Variants in AKAP13 observed in about 807,000 individuals in gnomAD.
AKAP13 encodes the protein A-kinase anchoring protein 13, also known as A-kinase anchor protein 13.
Under a neutral mutation model 264.5 loss-of-function variants are expected in AKAP13, and 80 were observed. The observed-to-expected ratio is 0.30, with a 90% CI of 0.25 to 0.36. AKAP13 has a LOEUF of 0.36. Ranked by LOEUF, AKAP13 falls within the 10% of genes least tolerant of loss-of-function variation. The pLI is 1.00. For synonymous variants in AKAP13, 1,380 were observed against 1,250.2 expected, an observed-to-expected ratio of 1.10 and a Z score of -2.19; for missense variants, 3,712 against 3,435.2, an observed-to-expected ratio of 1.08 and a Z score of -2.01.
intron 2 of AKAP13, among the ~76,000 whole-genome samples, chr15:85,506,457 G>C (rs949969823): frequency 1.3e-5 from 2 of 152,178 alleles, no homozygotes; most frequent in African/African-American, 4.8e-5. Context: ...TTACGTAACA[G>C]TTGGGAGGAA....
intron 1 of AKAP13, among the ~76,000 whole-genome samples, chr15:85,453,645 G>A (rs995521888): frequency 6.6e-6 from 1 of 152,208 alleles, no homozygotes; most frequent in African/African-American, 2.4e-5. Context: ...TTTTGGTAGA[G>A]CATGTGTGCT....
intron 9 of AKAP13, among the ~76,000 whole-genome samples, chr15:85,641,709 A>G (rs1295180927): frequency 6.6e-6 from 1 of 151,696 alleles, no homozygotes; most frequent in African/African-American, 2.4e-5. Context: ...GATGGTCTCA[A>G]TCTCCTGACC....
intron 1 of AKAP13, among the ~76,000 whole-genome samples, chr15:85,468,275 C>T (rs2074828396): frequency 6.6e-6 from 1 of 152,122 alleles, no homozygotes; most frequent in South Asian, 2.1e-4. Flanking sequence ...ATGGTTGATG[C>T]CCCTTTTAGA....
intron 1 of AKAP13, among the ~76,000 whole-genome samples, chr15:85,407,304 T>C (rs1325288515): frequency 1.4e-5 from 2 of 146,750 alleles, no homozygotes; most frequent in Admixed American, 6.7e-5. Context: ...CTGGGCTCAC[T>C]GCAACCTCCG....
chr15:85,586,216 G>A (rs1054187696), intron 8 of AKAP13, among the ~76,000 whole-genome samples: 10 of 148,450 alleles, frequency 6.7e-5, no homozygotes, highest in African/African-American at 2.5e-4. Context: ...TTGAGATGGA[G>A]TTTTGCTCTT....
chr15:85,711,747 T>C (rs2086642435), intron 19 of AKAP13, among the ~76,000 whole-genome samples: 1 of 152,240 alleles, frequency 6.6e-6, no homozygotes, highest in African/African-American at 2.4e-5. Context: ...TGTAGTTTTT[T>C]AGAAGTAAAG....
intron 8 of AKAP13, among the ~76,000 whole-genome samples, chr15:85,619,083 CA>C (rs2081061335): frequency 6.6e-6 from 1 of 152,110 alleles, no homozygotes; most frequent in African/African-American, 2.4e-5. Context: ...CCTTTATTAG[CA>C]TACTACTCTG....
chr15:85,444,596 G>A (rs1038751192), intron 1 of AKAP13, among the ~76,000 whole-genome samples: 2 of 152,144 alleles, frequency 1.3e-5, no homozygotes, highest in Admixed American at 1.3e-4. Flanking sequence ...AAATCTGTAA[G>A]TGAAATGCCA....
intron 12 of AKAP13, chr15:85,662,340 C>A (rs1265960852): frequency 6.3e-7 from 1 of 1,597,822 alleles, no homozygotes; most frequent in Non-Finnish European, 8.6e-7. Context: ...ATTCCTGTTT[C>A]CTCTTTTCTC....
intron 14 of AKAP13, among the ~76,000 whole-genome samples, chr15:85,679,600 A>G (rs1269073364): frequency 1.3e-5 from 2 of 152,198 alleles, no homozygotes; most frequent in Non-Finnish European, 2.9e-5. Context: ...GAAAACCACA[A>G]TATGTGCAGC....
At chr15:85,435,410 G>A (rs1317148236) in intron 1 of AKAP13, among the ~76,000 whole-genome samples, 1 of 118,182 alleles carries the variant, frequency 8.5e-6, no homozygotes, top group Non-Finnish European at 1.7e-5. Context: ...TTATCCAGGA[G>A]AACTTCCCCA....
At chr15:85,485,375 G>A (rs1209551623) in intron 1 of AKAP13, among the ~76,000 whole-genome samples, 6 of 152,306 alleles carry the variant, frequency 3.9e-5, no homozygotes, top group Non-Finnish European at 8.8e-5. Context: ...GAGGGACTAC[G>A]TAAAAATGTA....
intron 5 of AKAP13, among the ~76,000 whole-genome samples, chr15:85,555,694 T>C (rs2078118257): frequency 6.6e-6 from 1 of 152,214 alleles, no homozygotes; most frequent in Admixed American, 6.5e-5. Flanking sequence ...TAAAACCCCA[T>C]TGTTTTCTTG....
intron 1 of AKAP13, among the ~76,000 whole-genome samples, chr15:85,444,792 T>C (rs970550121): frequency 6.6e-6 from 1 of 152,188 alleles, no homozygotes; most frequent in African/African-American, 2.4e-5. Flanking sequence ...CTTTGTGTCC[T>C]TAAGCTTTCC....
chr15:85,460,141 C>A (rs145379390), intron 1 of AKAP13, among the ~76,000 whole-genome samples: 1 of 152,294 alleles, frequency 6.6e-6, no homozygotes, highest in East Asian at 1.9e-4. Context: ...TCCCATTGCA[C>A]CTGGAGTCAA....
In AKAP13 at chr15:85,471,441, G is replaced by A. The variant is rs558757599; in HGVS notation, c.-11-14269G>A. 6.6e-5 allele frequency among the ~76,000 whole-genome samples: 10 copies of A among 152,350 alleles called. No homozygotes were observed. The South Asian group carries it at 1.5e-3, about 22-fold the overall frequency. On this transcript the variant is annotated intron_variant, in intron 1 of 36. Transcript: ENST00000394518. The stretch of plus-strand genomic sequence containing the variant: ...ACCCAAGAGGCGGAGCTTGCAGTGA[G>A]CTGAGATGGTGCCACTACACTCCAG...
At chr15:85,681,094 A>G (rs1414613789) in intron 14 of AKAP13, among the ~76,000 whole-genome samples, 1 of 152,230 alleles carries the variant, frequency 6.6e-6, no homozygotes, top group Non-Finnish European at 1.5e-5. Context: ...TTGGGATTAC[A>G]GGCATGAGCC....
intron 8 of AKAP13, among the ~76,000 whole-genome samples, chr15:85,604,981 G>A (rs764348862): frequency 6.6e-6 from 1 of 152,124 alleles, no homozygotes; most frequent in Admixed American, 6.5e-5. Flanking sequence ...TCTATAGATG[G>A]CTAGTTGGAG....
At position 85,581,951 on chromosome 15, in the gene AKAP13, G is replaced by A. The variant is rs779538622; in HGVS notation, c.3883G>A (p.Ala1295Thr). ...TCCTCTCACTAAAGGACTAGAGAGT[G>A]CTTTTACAGAAAAAGTGAGTACTTT... Reference protein sequence around the residue: ...LGPLTKGLESAFTEKVSTFPP... With the variant: ...LGPLTKGLESTFTEKVSTFPP... The change falls in exon 7 of 37, where the codon GCT becomes ACT. Residue 1295 changes from alanine (A) to threonine (T), a missense_variant. Transcript: ENST00000394518. 1.4e-5 allele frequency: 22 copies of A among 1,614,152 alleles called. No homozygotes were observed. In the South Asian group the frequency reaches 2.3e-4, roughly 17 times the overall value.
Sources: allele counts gnomAD v4.1 joint callset (sites outside exome capture counted in the v4.1 genomes callset), GRCh38; gene constraint gnomAD v4.1.1; transcripts MANE v1.5; gene names NCBI Gene and HGNC (gene_info 2026-07-23, HGNC 2026-07-21).